SIPA1L2: variants seen among roughly 807,000 people sequenced by gnomAD.
SIPA1L2 encodes signal-induced proliferation-associated 1-like protein 2.
SIPA1L2 carries 56 observed loss-of-function variants against 163.9 expected under a neutral mutation model. That is an observed-to-expected ratio of 0.34 (90% CI 0.28 to 0.43). The LOEUF is 0.43. Ranked by LOEUF, SIPA1L2 falls within the 20% of genes least tolerant of loss-of-function variation. SIPA1L2 has a pLI of 1.00. For missense variants in SIPA1L2, 1,974 were observed against 2,193.5 expected, an observed-to-expected ratio of 0.90 and a Z score of 2.00; for synonymous variants, 877 against 865.7, an observed-to-expected ratio of 1.01 and a Z score of -0.23.
intron 1 of SIPA1L2, among the ~76,000 whole-genome samples, chr1:232,626,840 T>C (rs1663102528): frequency 6.6e-6 from 1 of 152,174 alleles, no homozygotes; most frequent in Non-Finnish European, 1.5e-5. Context: ...CAAATTTTGG[T>C]GCTGAAAGGG....
At position 232,604,310 on chromosome 1, in the gene SIPA1L2, T is replaced by C. The variant is rs16857766; in HGVS notation, c.-319+25559A>G. ...CGTTCACTAAAATTCACTCCACTTTTATAGTCTGTTGTATTCATTTCCTTT... is the reference window on the plus strand; with the variant it reads ...CGTTCACTAAAATTCACTCCACTTTCATAGTCTGTTGTATTCATTTCCTTT... On this transcript the variant is annotated intron_variant, in intron 1 of 22. Coordinates refer to ENST00000674635, the MANE Select transcript of SIPA1L2 (RefSeq NM_020808.5). 5.5e-3 allele frequency among the ~76,000 whole-genome samples: 834 copies of C among 152,344 alleles called. 5 individuals carry two copies. The highest frequency in any genetic ancestry group is 0.019 in the African/African-American group (788 of 41,580).
chr1:232,409,241 T>C (rs955726921), intron 19 of SIPA1L2, among the ~76,000 whole-genome samples: 3 of 152,378 alleles, frequency 2.0e-5, no homozygotes, highest in Admixed American at 2.0e-4. Context: ...GGAAGCACCG[T>C]CATCTTTACT....
At chr1:232,446,951 T>C (rs1246379927) in intron 10 of SIPA1L2, among the ~76,000 whole-genome samples, 2 of 152,248 alleles carry the variant, frequency 1.3e-5, no homozygotes, top group South Asian at 2.1e-4. Context: ...TAAAAACTGA[T>C]ACTCTGATTC....
intron 6 of SIPA1L2, among the ~76,000 whole-genome samples, chr1:232,480,722 CT>C (rs1048882495): frequency 4.4e-4 from 67 of 152,274 alleles, no homozygotes; most frequent in African/African-American, 1.5e-3. Flanking sequence ...TATTTCTCTA[CT>C]TTTTAAGCAA....
intron 16 of SIPA1L2, among the ~76,000 whole-genome samples, chr1:232,429,912 A>G (rs748100362): frequency 6.6e-6 from 1 of 152,226 alleles, no homozygotes. Flanking sequence ...ATGGATAAAA[A>G]TATTACATCC....
At chr1:232,402,553 A>T in intron 21 of SIPA1L2, 80 bp from the exon 22 acceptor site, 1 of 1,226,622 alleles carries the variant, frequency 8.2e-7, no homozygotes, top group East Asian at 2.5e-5. Flanking sequence ...ACTCGAAAAA[A>T]TTATTTCATG....
At chr1:232,427,650 G>A (rs189552881) in intron 17 of SIPA1L2, among the ~76,000 whole-genome samples, 59 of 152,300 alleles carry the variant, frequency 3.9e-4, no homozygotes, top group African/African-American at 1.3e-3. Context: ...ACTTTAAATT[G>A]TTTAGCAAAG....
chr1:232,539,164 C>T (rs571679551), intron 2 of SIPA1L2, among the ~76,000 whole-genome samples: 57 of 152,310 alleles, frequency 3.7e-4, no homozygotes, highest in Non-Finnish European at 7.3e-4. Context: ...CTACACAAAC[C>T]GCTGCAGGTG....
At chr1:232,533,556 G>A (rs1257673599) in intron 2 of SIPA1L2, among the ~76,000 whole-genome samples, 1 of 152,228 alleles carries the variant, frequency 6.6e-6, no homozygotes, top group Non-Finnish European at 1.5e-5. Context: ...GTTTCAGTTG[G>A]AGCAGGTGTT....
intron 1 of SIPA1L2, among the ~76,000 whole-genome samples, chr1:232,603,647 G>C (rs1026223211): frequency 6.6e-6 from 1 of 152,022 alleles, no homozygotes; most frequent in African/African-American, 2.4e-5. Context: ...GGCAGCACCA[G>C]CAGGGTTCAG....
chr1:232,507,498 C>T (rs1666781964), intron 3 of SIPA1L2, among the ~76,000 whole-genome samples: 1 of 152,172 alleles, frequency 6.6e-6, no homozygotes, highest in Non-Finnish European at 1.5e-5. Flanking sequence ...ATGCAGCCCA[C>T]ATCCAAGTAG....
intron 1 of SIPA1L2, among the ~76,000 whole-genome samples, chr1:232,605,929 G>C (rs1016656165): frequency 1.3e-5 from 2 of 152,158 alleles, no homozygotes; most frequent in Non-Finnish European, 2.9e-5. Context: ...TGATCCATCA[G>C]ACAATGCTGT....
chr1:232,489,279 C>G (rs73095148), intron 5 of SIPA1L2, among the ~76,000 whole-genome samples: 1,610 of 152,308 alleles, frequency 0.011, 32 homozygotes, highest in African/African-American at 0.037. Flanking sequence ...TCTCATCAAG[C>G]CTGCCTGAAC....
chr1:232,616,674 T>C (rs1006100122), intron 1 of SIPA1L2, among the ~76,000 whole-genome samples: 5 of 152,216 alleles, frequency 3.3e-5, no homozygotes, highest in African/African-American at 1.2e-4. Context: ...TGCCAGAGCA[T>C]TTTGTAGTGT....
chr1:232,464,342 T>C (rs1282085027), intron 9 of SIPA1L2, among the ~76,000 whole-genome samples: 1 of 152,188 alleles, frequency 6.6e-6, no homozygotes, highest in African/African-American at 2.4e-5. Context: ...TAATGTGTAA[T>C]TCTGAAAAAC....
intron 2 of SIPA1L2, among the ~76,000 whole-genome samples, chr1:232,525,606 A>G (rs974132789): frequency 6.6e-5 from 10 of 152,004 alleles, no homozygotes; most frequent in Non-Finnish European, 1.5e-4. Context: ...ACCCCACGAG[A>G]CGCTTGGTGC....
chr1:232,627,115 T>C (rs773702950), intron 1 of SIPA1L2, among the ~76,000 whole-genome samples: 1 of 152,200 alleles, frequency 6.6e-6, no homozygotes, highest in Non-Finnish European at 1.5e-5. Flanking sequence ...ATTCAGTGTG[T>C]CTTTAAAAGG....
chr1:232,572,766 T>TACACAC lies in SIPA1L2; in HGVS notation c.-270+1407_-270+1408insGTGTGT, dbSNP rs1558277796. Among the ~76,000 whole-genome samples, 59 of 119,678 alleles carry TACACAC rather than the reference T, an allele frequency of 4.9e-4. 1 individual carries two copies. Among genetic ancestry groups the TACACAC allele is most frequent in the Admixed American group, 1.2e-3 (13 of 11,038 alleles). 78.5% of individuals were successfully genotyped at this position (119,678 alleles called of 152,430 possible). On this transcript the variant is annotated intron_variant, in intron 2 of 22. Transcript: ENST00000674635. ...ATATATATATATATATATATATATATATATATATATATATTTATTTATTTA... is the reference window on the plus strand; with the variant it reads ...ATATATATATATATATATATATATATACACACATATATATATATATTTATTTATTTA...
chr1:232,489,540 C>A lies in SIPA1L2; in HGVS notation c.1806+1334G>T, dbSNP rs147449706. ...CAGCTTTCATTCCTGAGACAGATCT[C>A]AAGATTATTCATTCTGAGTGTTACA... On this transcript the variant is annotated intron_variant, in intron 5 of 22. Coordinates refer to ENST00000674635, the MANE Select transcript of SIPA1L2 (RefSeq NM_020808.5). Among the ~76,000 whole-genome samples, 55 of 151,704 alleles carry A rather than the reference C, an allele frequency of 3.6e-4. No individual in the cohort carries two copies. The East Asian group carries it at 1.0e-2, about 28-fold the overall frequency.
Sources: gnomAD v4.1 joint callset for allele counts (sites outside exome capture counted in the v4.1 genomes callset) on GRCh38, gnomAD v4.1.1 for gene constraint, MANE v1.5 for transcripts, NCBI Gene and HGNC (gene_info 2026-07-23, HGNC 2026-07-21) for gene names.